Variants in CNTN5 observed in about 807,000 individuals in gnomAD.
The protein encoded by CNTN5 is contactin 5.
Under a neutral mutation model 129.1 loss-of-function variants are expected in CNTN5, and 77 were observed. The ratio of observed to expected loss-of-function variants is 0.60; its 90% CI spans 0.50 to 0.72. CNTN5 has a LOEUF of 0.72. CNTN5 is among the 30% of genes least tolerant of loss of function. The pLI is 0.00. For synonymous variants in CNTN5, 509 were observed against 465.6 expected (o/e 1.09, Z -1.20); for missense variants, 1,478 against 1,328.8 (o/e 1.11, Z -1.75).
chr11:100,289,304 G>A (rs7126142), intron 18 of CNTN5, among the ~76,000 whole-genome samples: 1,806 of 152,026 alleles, frequency 0.012, 37 homozygotes, highest in African/African-American at 0.04. Context: ...GAGACACAAC[G>A]AACAAAGAGA....
chr11:99,796,030 G>T (rs908077182), intron 3 of CNTN5, among the ~76,000 whole-genome samples: 1 of 152,140 alleles, frequency 6.6e-6, no homozygotes, highest in Non-Finnish European at 1.5e-5. Flanking sequence ...GGTGTGGGGT[G>T]TTGGCTTCTA....
At chr11:100,339,606 T>C (rs1952116098) in intron 21 of CNTN5, among the ~76,000 whole-genome samples, 2 of 152,162 alleles carry the variant, frequency 1.3e-5, no homozygotes, top group African/African-American at 4.8e-5. Flanking sequence ...CTTCAGGCCA[T>C]GGGTTTCAGG....
intron 6 of CNTN5, among the ~76,000 whole-genome samples, chr11:99,908,102 T>A (rs537550096): frequency 6.6e-6 from 1 of 152,158 alleles, no homozygotes; most frequent in Admixed American, 6.6e-5. Context: ...AGGCTAAATC[T>A]GGCTATACAA....
At chr11:99,475,915 C>CCTT (rs945700272) in intron 2 of CNTN5, among the ~76,000 whole-genome samples, 2 of 151,968 alleles carry the variant, frequency 1.3e-5, no homozygotes, top group Non-Finnish European at 2.9e-5. Flanking sequence ...ATCTCTCTCC[C>CCTT]CTTCTTTTCC....
chr11:99,156,939 G>T (rs1411989445), intron 1 of CNTN5, among the ~76,000 whole-genome samples: 1 of 152,018 alleles, frequency 6.6e-6, no homozygotes, highest in Non-Finnish European at 1.5e-5. Flanking sequence ...AGAGTGTTTG[G>T]AAGGGATAAT....
chr11:100,351,703 A>T lies in CNTN5; in HGVS notation c.3199+833A>T, dbSNP rs199854602. On this transcript the variant is annotated intron_variant, in intron 24 of 24. Transcript: ENST00000524871. ...AAAAATTAGGCAAATTTCTAATTTT[A>T]AAAGTATTAGACAATTTTATGAGAA... Among the ~76,000 whole-genome samples the T allele has an allele frequency of 2.7e-5, 4 of 150,500 alleles. No individual in the cohort carries two copies. In the East Asian group the frequency reaches 7.9e-4, roughly 30 times the overall value.
intron 2 of CNTN5, among the ~76,000 whole-genome samples, chr11:99,537,982 T>C (rs898411558): frequency 6.6e-6 from 1 of 152,170 alleles, no homozygotes; most frequent in Admixed American, 6.5e-5. Flanking sequence ...GAACTGCCCT[T>C]AGAGACTCTG....
rs141978360 is a variant in CNTN5, at chr11:99,431,154, C to A, written c.-71+105670C>A. Among the ~76,000 whole-genome samples the A allele has an allele frequency of 3.8e-3, 582 of 151,984 alleles. 5 individuals carry two copies. The highest frequency in any genetic ancestry group is 0.013 in the African/African-American group (554 of 41,494). ...GATGGGAGAAAGACTGAAACAGCAA[C>A]AACAACAATGAAAATACAGTTATTT... is the stretch of plus-strand genomic sequence containing the variant. On this transcript the variant is annotated intron_variant, in intron 2 of 24. Coordinates refer to ENST00000524871, the MANE Select transcript of CNTN5 (RefSeq NM_014361.4).
intron 1 of CNTN5, among the ~76,000 whole-genome samples, chr11:99,208,119 C>T (rs1859574064): frequency 6.6e-6 from 1 of 152,118 alleles, no homozygotes; most frequent in Non-Finnish European, 1.5e-5. Flanking sequence ...CCTGAATGGT[C>T]ATTGGGTGCG....
chr11:99,154,193 G>T (rs1179392364), intron 1 of CNTN5, among the ~76,000 whole-genome samples: 1 of 152,176 alleles, frequency 6.6e-6, no homozygotes, highest in Non-Finnish European at 1.5e-5. Flanking sequence ...AGCAGCAGGA[G>T]CAGGGTACAG....
intron 2 of CNTN5, among the ~76,000 whole-genome samples, chr11:99,443,938 G>A (rs2726402): frequency 0.49 from 74,356 of 151,844 alleles, 18,901 homozygotes; most frequent in East Asian, 0.65. Flanking sequence ...TGGCTCACGC[G>A]TGTAATCCCA....
At chr11:99,745,719 C>T (rs911462220) in intron 3 of CNTN5, among the ~76,000 whole-genome samples, 1 of 102,544 alleles carries the variant, frequency 9.8e-6, no homozygotes, top group Non-Finnish European at 2.1e-5. Flanking sequence ...TTGTATATGA[C>T]CTGAAGACAT....
chr11:99,312,825 T>C (rs1037142334), intron 1 of CNTN5, among the ~76,000 whole-genome samples: 7 of 151,492 alleles, frequency 4.6e-5, no homozygotes, highest in Admixed American at 3.3e-4. Flanking sequence ...TTTTTTTTTT[T>C]CCCCAGGAGC....
At chr11:100,256,038 C>T (rs956455888) in intron 17 of CNTN5, 120 bp downstream of exon 17, 3 of 842,480 alleles carry the variant, frequency 3.6e-6, no homozygotes, top group Non-Finnish European at 5.4e-6. Flanking sequence ...TTATTTCTTA[C>T]AATATTGACA....
chr11:100,310,029 C>T (rs560620747), intron 21 of CNTN5, among the ~76,000 whole-genome samples: 9 of 151,974 alleles, frequency 5.9e-5, no homozygotes, highest in African/African-American at 1.9e-4. Context: ...GCCAGATTTC[C>T]TGGAACCACA....
In CNTN5 at chr11:99,067,817, C is replaced by T. The variant is rs563264873; in HGVS notation, c.-210+46547C>T. Among the ~76,000 whole-genome samples the T allele has an allele frequency of 1.2e-3, 178 of 152,142 alleles. 1 individual carries two copies. Among genetic ancestry groups the T allele is most frequent in the African/African-American group, 4.0e-3 (164 of 41,514 alleles). ...TTAAGTAATTAATGCAAAGGTGATA[C>T]AGTTTGGCTGTGCCCCCACCCAAAA... On this transcript the variant is annotated intron_variant, in intron 1 of 24. Coordinates refer to ENST00000524871, the MANE Select transcript of CNTN5 (RefSeq NM_014361.4).
intron 1 of CNTN5, among the ~76,000 whole-genome samples, chr11:99,209,291 G>T (rs1239397591): frequency 6.6e-6 from 1 of 152,098 alleles, no homozygotes; most frequent in East Asian, 1.9e-4. Flanking sequence ...AAGAAAAGAG[G>T]TTTAACTGTC....
At chr11:100,028,772 C>A (rs1208810141) in intron 9 of CNTN5, among the ~76,000 whole-genome samples, 1 of 152,132 alleles carries the variant, frequency 6.6e-6, no homozygotes, top group African/African-American at 2.4e-5. Flanking sequence ...ACTCTGAACC[C>A]ACAAAAATGT....
At chr11:99,111,521 A>G (rs1216837203) in intron 1 of CNTN5, among the ~76,000 whole-genome samples, 4 of 152,110 alleles carry the variant, frequency 2.6e-5, no homozygotes, top group Non-Finnish European at 5.9e-5. Flanking sequence ...ATTAAGGAAT[A>G]CAGAAAATTA....
Sources: gnomAD v4.1 joint callset for allele counts (sites outside exome capture counted in the v4.1 genomes callset) on GRCh38, gnomAD v4.1.1 for gene constraint, MANE v1.5 for transcripts, NCBI Gene and HGNC (gene_info 2026-07-23, HGNC 2026-07-21) for gene names.